Variants in PPP1R14C observed in about 807,000 individuals in gnomAD.
PPP1R14C encodes protein phosphatase 1 regulatory subunit 14C.
Under a neutral mutation model 20.4 loss-of-function variants are expected in PPP1R14C, and 16 were observed. That is an observed-to-expected ratio of 0.78 (90% CI 0.53 to 1.19). The LOEUF (loss-of-function observed/expected upper bound fraction) is 1.19, where lower values mean the gene tolerates loss of function less well. PPP1R14C is among the 50% of genes most tolerant of loss of function. The pLI is 0.00. For synonymous variants in PPP1R14C, 91 were observed against 91.0 expected (o/e 1.00, Z 0.00); for missense variants, 211 against 220.1 (o/e 0.96, Z 0.26).
intron 3 of PPP1R14C, among the ~76,000 whole-genome samples, chr6:150,244,269 A>C (rs559512410): frequency 5.9e-5 from 9 of 151,862 alleles, no homozygotes; most frequent in African/African-American, 2.2e-4. Context: ...TGCCCGATCC[A>C]TTATATTTGT....
At chr6:150,199,598 T>C (rs1309984273) in intron 1 of PPP1R14C, among the ~76,000 whole-genome samples, 3 of 152,218 alleles carry the variant, frequency 2.0e-5, no homozygotes, top group Non-Finnish European at 4.4e-5. Flanking sequence ...TGGTCAGGCA[T>C]GGTGTCTCAC....
At chr6:150,213,346 AACACACAC>A (rs3049230) in intron 1 of PPP1R14C, among the ~76,000 whole-genome samples, 14,549 of 149,352 alleles carry the variant, frequency 0.097, 871 homozygotes, top group African/African-American at 0.17. Context: ...TTTGTGTTGT[AACACACAC>A]ACACACACAC....
At chr6:150,236,948 C>G (rs1406009620) in intron 3 of PPP1R14C, among the ~76,000 whole-genome samples, 3 of 152,094 alleles carry the variant, frequency 2.0e-5, no homozygotes, top group Non-Finnish European at 4.4e-5. Flanking sequence ...TCTCTGTTGT[C>G]TAAGCTGGGA....
chr6:150,160,070 CA>C lies in PPP1R14C; in HGVS notation c.306+16576del, dbSNP rs368585084. On this transcript the variant is annotated intron_variant, in intron 1 of 3. Transcript: ENST00000361131. ...TTTATGGGTTTGAGGGAGGAAGACCCAAAAGGTGAAGAAACACTTTTATCAC... is the reference window on the plus strand; with the variant it reads ...TTTATGGGTTTGAGGGAGGAAGACCCAAAGGTGAAGAAACACTTTTATCAC... Among the ~76,000 whole-genome samples, 96 of 152,186 alleles carry C rather than the reference CA, an allele frequency of 6.3e-4. 1 individual carries two copies. The highest frequency in any genetic ancestry group is 2.2e-3 in the African/African-American group (93 of 41,514).
intron 3 of PPP1R14C, among the ~76,000 whole-genome samples, chr6:150,225,495 T>C (rs994463042): frequency 2.0e-5 from 3 of 152,260 alleles, no homozygotes; most frequent in Non-Finnish European, 2.9e-5. Flanking sequence ...TATTCACCTG[T>C]GAGTCCCTCT....
At chr6:150,221,760 T>C in intron 3 of PPP1R14C, among the ~76,000 whole-genome samples, 1 of 152,164 alleles carries the variant, frequency 6.6e-6, no homozygotes, top group Non-Finnish European at 1.5e-5. Context: ...CTCTGCATAT[T>C]GGTAAGGATT....
At chr6:150,220,223 A>G (rs1778150142) in intron 3 of PPP1R14C, among the ~76,000 whole-genome samples, 1 of 152,120 alleles carries the variant, frequency 6.6e-6, no homozygotes, top group African/African-American at 2.4e-5. Flanking sequence ...TTTCTTCTGA[A>G]TCTGTTATGT....
chr6:150,239,915 G>A (rs941682923), intron 3 of PPP1R14C, among the ~76,000 whole-genome samples: 11 of 152,162 alleles, frequency 7.2e-5, no homozygotes, highest in Non-Finnish European at 1.2e-4. Context: ...TTAGCTGGGC[G>A]TGGTGGTGCA....
chr6:150,241,409 G>C (rs1423754937), intron 3 of PPP1R14C, among the ~76,000 whole-genome samples: 1 of 152,154 alleles, frequency 6.6e-6, no homozygotes, highest in Non-Finnish European at 1.5e-5. Context: ...TGAGTTCTGG[G>C]AGTTGCTCTA....
Position 150,201,156 on chromosome 6 carries a change from C to T in PPP1R14C, c.307-13588C>T, listed in dbSNP as rs1187041372. Among the ~76,000 whole-genome samples the T allele has an allele frequency of 1.3e-5, 2 of 152,204 alleles. No individual in the cohort carries two copies. Among genetic ancestry groups the T allele is most frequent in the Non-Finnish European group, 2.9e-5 (2 of 68,044 alleles). ...TGTAAATAGAGATGATGATAATACT[C>T]ACCTCAGGGAATTGTTTGTTATTTT... is the stretch of plus-strand genomic sequence containing the variant. On this transcript the variant is annotated intron_variant, in intron 1 of 3. Transcript: ENST00000361131. This position sits in a 1 kb window ranked among gnomAD's most constrained non-coding sequence, Gnocchi z 4.2.
intron 1 of PPP1R14C, among the ~76,000 whole-genome samples, chr6:150,173,911 C>T (rs1428892363): frequency 6.6e-6 from 1 of 151,954 alleles, no homozygotes; most frequent in African/African-American, 2.4e-5. Flanking sequence ...TCAAAGCTTC[C>T]TCTGTCTTAG....
At chr6:150,221,863 A>G (rs1163913965) in intron 3 of PPP1R14C, among the ~76,000 whole-genome samples, 1 of 152,146 alleles carries the variant, frequency 6.6e-6, no homozygotes, top group Non-Finnish European at 1.5e-5. Context: ...TGGTGGCACA[A>G]TCTTAGCTCA....
At chr6:150,205,591 G>C (rs1285314840) in intron 1 of PPP1R14C, among the ~76,000 whole-genome samples, 1 of 151,988 alleles carries the variant, frequency 6.6e-6, no homozygotes, top group East Asian at 1.9e-4. Context: ...TCAGGAGTTT[G>C]AGACAAGTCT....
At chr6:150,242,478 A>G (rs1364580989) in intron 3 of PPP1R14C, among the ~76,000 whole-genome samples, 1 of 152,226 alleles carries the variant, frequency 6.6e-6, no homozygotes, top group Non-Finnish European at 1.5e-5. Context: ...CCCTCTAATC[A>G]TGTCAGTAAT....
chr6:150,177,477 C>T (rs1461418273), intron 1 of PPP1R14C, among the ~76,000 whole-genome samples: 1 of 152,170 alleles, frequency 6.6e-6, no homozygotes, highest in African/African-American at 2.4e-5. Context: ...AGCGAAGGGT[C>T]ATGTGTAGCA....
At chr6:150,156,143 C>T (rs1172951343) in intron 1 of PPP1R14C, among the ~76,000 whole-genome samples, 2 of 151,588 alleles carry the variant, frequency 1.3e-5, no homozygotes, top group African/African-American at 4.8e-5. Flanking sequence ...GCCAGGTTTG[C>T]ATGAGCCGTT....
chr6:150,175,703 A>T (rs1218966594), intron 1 of PPP1R14C, among the ~76,000 whole-genome samples: 1 of 152,190 alleles, frequency 6.6e-6, no homozygotes, highest in African/African-American at 2.4e-5. Flanking sequence ...CAAAGGCTTA[A>T]TCATTTGACA....
At chr6:150,246,849 T>C (rs961820059) in intron 3 of PPP1R14C, among the ~76,000 whole-genome samples, 1 of 152,154 alleles carries the variant, frequency 6.6e-6, no homozygotes, top group Non-Finnish European at 1.5e-5. Context: ...GATTGTTTAA[T>C]GTGGGAAAAA....
intron 1 of PPP1R14C, among the ~76,000 whole-genome samples, chr6:150,209,749 G>T (rs983982814): frequency 6.6e-6 from 1 of 151,704 alleles, no homozygotes; most frequent in African/African-American, 2.4e-5. Flanking sequence ...GTATTCGTGT[G>T]TGTATGTTTG....
Sources: gnomAD v4.1 joint callset for allele counts (sites outside exome capture counted in the v4.1 genomes callset) on GRCh38, gnomAD v4.1.1 for gene constraint, Gnocchi (gnomAD v3.1) non-coding constraint, MANE v1.5 for transcripts, NCBI Gene and HGNC (gene_info 2026-07-23, HGNC 2026-07-21) for gene names.